The following SIAH1 variants were observed in gnomAD, a reference collection of about 807,000 sequenced individuals.
SIAH1 encodes siah E3 ubiquitin protein ligase 1.
In SIAH1, 2 loss-of-function variants were observed where a neutral mutation model predicts 20.0. That is an observed-to-expected ratio of 0.10 (90% CI 0.04 to 0.31). The LOEUF (loss-of-function observed/expected upper bound fraction) is 0.31, where lower values mean the gene tolerates loss of function less well. SIAH1 is among the 10% of genes least tolerant of loss of function. The pLI is 1.00. For missense variants in SIAH1, 119 were observed against 355.3 expected (o/e 0.33, Z 5.35); for synonymous variants, 118 against 125.3 (o/e 0.94, Z 0.39).
chr16:48,362,539 C>G lies in SIAH1; in HGVS notation c.-2-109G>C. On this transcript the variant is annotated intron_variant, in intron 1 of 1. Coordinates refer to ENST00000394725, the MANE Select transcript of SIAH1 (RefSeq NM_003031.4). This position sits in a 1 kb window ranked among gnomAD's most constrained non-coding sequence, Gnocchi z 4.2. ...CTTTTAAAGTTTCATACAAAATTTA[C>G]TGAGCAAAAGAGGAAGAAAAATAGG... The G allele has an allele frequency of 3.5e-6, 4 of 1,130,388 alleles. No individual in the cohort carries two copies. Among genetic ancestry groups the G allele is most frequent in the Non-Finnish European group, 3.8e-6 (3 of 792,198 alleles). 70.0% of individuals were successfully genotyped at this position (1,130,388 alleles called of 1,614,324 possible).
At chr16:48,379,216 C>T (rs1961191443) in intron 1 of SIAH1, among the ~76,000 whole-genome samples, 1 of 151,864 alleles carries the variant, frequency 6.6e-6, no homozygotes, top group South Asian at 2.1e-4. Context: ...TATACTGACA[C>T]TCTAGCATTA....
intron 1 of SIAH1, among the ~76,000 whole-genome samples, chr16:48,364,139 G>T (rs764419995): frequency 6.6e-6 from 1 of 151,578 alleles, no homozygotes; most frequent in Non-Finnish European, 1.5e-5. Context: ...TAGTAGAGAC[G>T]GGGTTTCACC....
intron 1 of SIAH1, among the ~76,000 whole-genome samples, chr16:48,378,425 A>T (rs1203010172): frequency 6.6e-6 from 1 of 152,186 alleles, no homozygotes; most frequent in Non-Finnish European, 1.5e-5. Flanking sequence ...AAGGCACAAA[A>T]TTAGGCAAAA....
At chr16:48,366,991 C>T (rs1354448643) in intron 1 of SIAH1, among the ~76,000 whole-genome samples, 3 of 152,138 alleles carry the variant, frequency 2.0e-5, no homozygotes, top group South Asian at 2.1e-4. Flanking sequence ...ACCGCAGCCT[C>T]GGTCTTCTGG....
chr16:48,361,544 T>C lies in SIAH1; in HGVS notation c.*36A>G, dbSNP rs1251060844. On this transcript the variant is annotated 3_prime_UTR_variant, in exon 2 of 2. Coordinates refer to ENST00000394725, the MANE Select transcript of SIAH1 (RefSeq NM_003031.4). ...TGCCTTATTTTCTGTGAAACTGAAGTTTTAAACACTGGCCAGAAAATGTTT... is the reference window on the plus strand; with the variant it reads ...TGCCTTATTTTCTGTGAAACTGAAGCTTTAAACACTGGCCAGAAAATGTTT... 6.2e-7 allele frequency: 1 copy of C among 1,601,122 alleles called. No individual in the cohort carries two copies. The highest frequency in any genetic ancestry group is 2.2e-5 in the East Asian group (1 of 44,730).
At chr16:48,382,739 T>G (rs532925265) in intron 1 of SIAH1, among the ~76,000 whole-genome samples, 1 of 152,294 alleles carries the variant, frequency 6.6e-6, no homozygotes, top group South Asian at 2.1e-4. Context: ...AATATGGAAA[T>G]TCCACAAAAT....
rs1960586071 is a variant in SIAH1, at chr16:48,361,355, G to A, written c.*225C>T. 5.9e-6 allele frequency: 3 copies of A among 504,726 alleles called. No individual in the cohort carries two copies. Among genetic ancestry groups the A allele is most frequent in the Admixed American group, 3.5e-5 (1 of 28,538 alleles). 31.3% of individuals were successfully genotyped at this position (504,726 alleles called of 1,614,324 possible). ...AATACAAAAGATGCCCATCTTGGGT[G>A]TATATACATATATTTTTTCAGTGGT... On this transcript the variant is annotated 3_prime_UTR_variant, in exon 2 of 2. Transcript: ENST00000394725.
At chr16:48,382,185 T>C (rs1961313919) in intron 1 of SIAH1, among the ~76,000 whole-genome samples, 1 of 152,094 alleles carries the variant, frequency 6.6e-6, no homozygotes, top group Non-Finnish European at 1.5e-5. Context: ...GTGACCAGCC[T>C]AGGCAAGATG....
intron 1 of SIAH1, among the ~76,000 whole-genome samples, chr16:48,384,346 A>G (rs1039991171): frequency 3.3e-5 from 5 of 152,152 alleles, no homozygotes; most frequent in African/African-American, 1.2e-4. Context: ...CCGAGCAAAC[A>G]AATTATGTAT....
intron 1 of SIAH1, among the ~76,000 whole-genome samples, chr16:48,375,009 A>G (rs1422707356): frequency 6.6e-6 from 1 of 152,208 alleles, no homozygotes; most frequent in Non-Finnish European, 1.5e-5. Flanking sequence ...AGACAAAGAT[A>G]AATGCAAAAA....
At chr16:48,370,820 C>A (rs867455480) in intron 1 of SIAH1, among the ~76,000 whole-genome samples, 251 of 128,742 alleles carry the variant, frequency 1.9e-3, no homozygotes, top group Middle Eastern at 4.9e-3. Context: ...AAAAAAAAAA[C>A]AAATTTCAAG....
At chr16:48,374,894 G>A (rs1024496401) in intron 1 of SIAH1, among the ~76,000 whole-genome samples, 1 of 152,196 alleles carries the variant, frequency 6.6e-6, no homozygotes, top group Non-Finnish European at 1.5e-5. Context: ...GGAATGAGAA[G>A]GGTATGCACA....
chr16:48,384,853 AC>A (rs1469822172), intron 1 of SIAH1, among the ~76,000 whole-genome samples: 1 of 142,348 alleles, frequency 7.0e-6, no homozygotes, highest in Non-Finnish European at 1.5e-5. Context: ...GCCGGGCGCC[AC>A]CCCCGGCCGG....
Position 48,362,131 on chromosome 16 carries a change from A to G in SIAH1, c.298T>C (p.Tyr100His). 1 of 1,614,160 alleles carries G rather than the reference A, an allele frequency of 6.2e-7. No individual in the cohort carries two copies. The highest frequency in any genetic ancestry group is 8.5e-7 in the Non-Finnish European group (1 of 1,180,038). ...GTTATTTCACATCCAGAAGACGCAT[A>G]TTTACAGGGGAAAAGTACTGAATTA... ...VANSVLFPCK[Y>H]ASSGCEITLP... The change falls in exon 2 of 2, where the codon TAT becomes CAT. Residue 100 changes from tyrosine (Y) to histidine (H), a missense_variant. Coordinates refer to ENST00000394725, the MANE Select transcript of SIAH1 (RefSeq NM_003031.4). The surrounding 1 kb of genome is among the most constrained non-coding windows in gnomAD (Gnocchi z 4.2).
chr16:48,367,591 A>T (rs1405220210), intron 1 of SIAH1, among the ~76,000 whole-genome samples: 1 of 152,222 alleles, frequency 6.6e-6, no homozygotes, highest in African/African-American at 2.4e-5. Flanking sequence ...CAGAATATTT[A>T]AGTTTTCAGC....
rs951073988 is a variant in SIAH1, at chr16:48,362,568, A to T, written c.-2-138T>A. 3.7e-6 allele frequency: 3 copies of T among 813,148 alleles called. No homozygotes were observed. In the South Asian group the frequency reaches 5.6e-5, roughly 15 times the overall value. The allele number at this position is 813,148 out of a possible 1,614,324, so 50.4% of individuals were successfully genotyped here. A position where few individuals can be genotyped will look rare whatever the true frequency, so the allele number is the denominator to read the frequency against. On this transcript the variant is annotated intron_variant, in intron 1 of 1. Transcript: ENST00000394725. The surrounding 1 kb of genome is among the most constrained non-coding windows in gnomAD (Gnocchi z 4.2). ...GCAAAAGAGGAAGAAAAATAGGATT[A>T]AAAAAGATATTAAAAAAATAAAATT... is the stretch of plus-strand genomic sequence containing the variant.
intron 1 of SIAH1, among the ~76,000 whole-genome samples, chr16:48,369,724 A>C (rs747616153): frequency 5.9e-5 from 9 of 152,218 alleles, no homozygotes; most frequent in South Asian, 2.1e-4. Context: ...CCTGTCTGGG[A>C]AAGAATAAAT....
chr16:48,375,589 G>T (rs1961088928), intron 1 of SIAH1, among the ~76,000 whole-genome samples: 1 of 151,758 alleles, frequency 6.6e-6, no homozygotes, highest in Admixed American at 6.6e-5. Context: ...AGTGAGATGA[G>T]ATCAGGCCAA....
intron 1 of SIAH1, among the ~76,000 whole-genome samples, chr16:48,372,191 A>G (rs1469477392): frequency 6.6e-6 from 1 of 152,198 alleles, no homozygotes; most frequent in African/African-American, 2.4e-5. Flanking sequence ...TTTACTAGTA[A>G]AATAGAAAAA....
Sources: allele counts gnomAD v4.1 joint callset (sites outside exome capture counted in the v4.1 genomes callset), GRCh38; gene constraint gnomAD v4.1.1; non-coding constraint Gnocchi (gnomAD v3.1); transcripts MANE v1.5; gene names NCBI Gene and HGNC (gene_info 2026-07-23, HGNC 2026-07-21).